SSH2: variants seen among roughly 807,000 people sequenced by gnomAD.
SSH2 encodes the protein protein phosphatase Slingshot homolog 2.
Under a neutral mutation model 135.2 loss-of-function variants are expected in SSH2, and 37 were observed. The observed-to-expected ratio is 0.27, with a 90% confidence interval of 0.21 to 0.36. The LOEUF is 0.36. SSH2 is among the 10% of genes least tolerant of loss of function. The pLI, the probability that SSH2 is intolerant of heterozygous loss-of-function variation, is 1.00. For missense variants in SSH2, 1,408 were observed against 1,765.3 expected (o/e 0.80, Z 3.63); for synonymous variants, 628 against 646.2 (o/e 0.97, Z 0.43).
chr17:29,641,800 A>G (rs1443442228), intron 14 of SSH2: 2 of 152,116 alleles, frequency 1.3e-5, no homozygotes, highest in Non-Finnish European at 2.9e-5. Context: ...CAACTCTGAG[A>G]AAGTTATATA....
At chr17:29,836,193 T>C (rs2042941382) in intron 2 of SSH2, among the ~76,000 whole-genome samples, 1 of 152,084 alleles carries the variant, frequency 6.6e-6, no homozygotes, top group African/African-American at 2.4e-5. Context: ...AAATCAGACT[T>C]GAACTTTATC....
intron 3 of SSH2, among the ~76,000 whole-genome samples, chr17:29,786,545 TAAGGA>T (rs2041968875): frequency 6.6e-6 from 1 of 152,154 alleles, no homozygotes; most frequent in Admixed American, 6.5e-5. Context: ...TTAGCTGAAC[TAAGGA>T]AAAGTACTGC....
intron 3 of SSH2, among the ~76,000 whole-genome samples, chr17:29,706,689 C>A (rs1017851371): frequency 6.6e-6 from 1 of 152,194 alleles, no homozygotes; most frequent in Non-Finnish European, 1.5e-5. Context: ...AATATTCTAC[C>A]TATTCACCAG....
chr17:29,869,905 T>C (rs188755630), intron 1 of SSH2, among the ~76,000 whole-genome samples: 20 of 152,232 alleles, frequency 1.3e-4, no homozygotes, highest in Admixed American at 6.5e-4. Context: ...GTGTTTATGA[T>C]AGTCATTGGC....
At chr17:29,906,216 G>A (rs1180712734) in intron 1 of SSH2, among the ~76,000 whole-genome samples, 6 of 152,010 alleles carry the variant, frequency 3.9e-5, no homozygotes, top group East Asian at 1.9e-4. Flanking sequence ...CAAAGATCCC[G>A]TAACACAACC....
At chr17:29,662,901 A>C (rs528936576) in intron 11 of SSH2, among the ~76,000 whole-genome samples, 10 of 152,338 alleles carry the variant, frequency 6.6e-5, no homozygotes, top group Admixed American at 5.9e-4. Flanking sequence ...GAGCAAAATT[A>C]TTGGTTATGT....
intron 1 of SSH2, chr17:29,855,984 C>T (rs2065655932): frequency 5.5e-6 from 2 of 366,290 alleles, no homozygotes; most frequent in Non-Finnish European, 1.1e-5. Context: ...TAATCATGTA[C>T]AGAACATTAT....
chr17:29,705,000 T>C (rs1176910753), intron 3 of SSH2, among the ~76,000 whole-genome samples: 2 of 152,206 alleles, frequency 1.3e-5, no homozygotes, highest in African/African-American at 4.8e-5. Flanking sequence ...TAACTGGCAA[T>C]GTTAAATTGA....
chr17:29,757,518 G>A (rs1166207021), intron 3 of SSH2, among the ~76,000 whole-genome samples: 1 of 151,924 alleles, frequency 6.6e-6, no homozygotes, highest in Non-Finnish European at 1.5e-5. Context: ...CACTATAAAT[G>A]CTAAATAAAC....
At chr17:29,911,056 C>T (rs1453283240) in intron 1 of SSH2, among the ~76,000 whole-genome samples, 2 of 152,184 alleles carry the variant, frequency 1.3e-5, no homozygotes, top group East Asian at 1.9e-4. Context: ...CCCTGGACAA[C>T]CTCCATTTCT....
intron 11 of SSH2, among the ~76,000 whole-genome samples, chr17:29,662,773 T>C (rs992385144): frequency 6.6e-6 from 1 of 152,152 alleles, no homozygotes; most frequent in Non-Finnish European, 1.5e-5. Flanking sequence ...TTCCTGATCC[T>C]CTCCCTAGGC....
chr17:29,636,405 C>A lies in SSH2; in HGVS notation c.1825G>T (p.Val609Phe). Residue 609 changes from valine to phenylalanine, a missense_variant, in exon 15 of 16, where the codon GTC (valine) becomes TTC (phenylalanine). Physicochemically the swap from Val to Phe is conservative, Grantham distance 50. Transcript: ENST00000540801. ...GGAAACTTGTTGGCCATTTCTGGGA[C>A]ATGTCCAGGCTGAATTAAGGCTTTG... is the stretch of plus-strand genomic sequence containing the variant. The part of the protein sequence containing the change: ...ASKALIQPGH[V>F]PEMANKFPDL... 6.2e-7 allele frequency: 1 copy of A among 1,614,172 alleles called. No individual in the cohort carries two copies. The highest frequency in any genetic ancestry group is 8.5e-7 in the Non-Finnish European group (1 of 1,180,026).
rs1158208995 is a variant in SSH2 at position 29,632,909 on chromosome 17, G to A, written c.2285C>T (p.Pro762Leu). ...CGAGTGAGACTGCATGAAGATGTCTGGGCTGACCAGTTCTGAAATTGCCTA... is the reference window on the plus strand; with the variant it reads ...CGAGTGAGACTGCATGAAGATGTCTAGGCTGACCAGTTCTGAAATTGCCTA... ...QSKAISELVS[P>L]DIFMQSHSEN... The change falls in exon 16 of 16, where the codon CCA becomes CTA. Residue 762 changes from proline to leucine, a missense_variant. By Grantham distance (98) the Pro-to-Leu change is moderately conservative (BLOSUM62 -3). Coordinates refer to ENST00000540801, the MANE Select transcript of SSH2 (RefSeq NM_001282129.2). The A allele has an allele frequency of 1.2e-6, 2 of 1,610,318 alleles. No homozygotes were observed. Among genetic ancestry groups the A allele is most frequent in the African/African-American group, 2.7e-5 (2 of 74,804 alleles).
intron 1 of SSH2, among the ~76,000 whole-genome samples, chr17:29,903,735 GATTA>G (rs1332496636): frequency 5.3e-5 from 8 of 152,010 alleles, no homozygotes; most frequent in African/African-American, 1.9e-4. Context: ...AGATGTTTGG[GATTA>G]ATTAATTAAT....
chr17:29,698,377 TAA>T lies in SSH2; in HGVS notation c.293-2856_293-2855del, dbSNP rs1371689913. ...GTGGATTATATCTCAATAAAGCTGT[TAA>T]ACAAAAAATAAAAGAACAAGTATGA... On this transcript the variant is annotated intron_variant, in intron 4 of 15. Coordinates refer to ENST00000540801, the MANE Select transcript of SSH2 (RefSeq NM_001282129.2). Among the ~76,000 whole-genome samples, 4 of 152,274 alleles carry T rather than the reference TAA, an allele frequency of 2.6e-5. No individual in the cohort carries two copies. In the South Asian group the frequency reaches 6.2e-4, roughly 24 times the overall value.
intron 11 of SSH2, 36 bp downstream of exon 11, chr17:29,666,831 C>T (rs780326483): frequency 2.5e-6 from 4 of 1,610,352 alleles, no homozygotes; most frequent in East Asian, 4.5e-5. Context: ...TATGGGCTAG[C>T]GTTAGCACAC....
intron 2 of SSH2, among the ~76,000 whole-genome samples, chr17:29,804,957 G>A (rs2042314620): frequency 6.8e-6 from 1 of 146,596 alleles, no homozygotes; most frequent in African/African-American, 2.5e-5. Context: ...GCCTGCCAAA[G>A]TGCTAGGGTT....
At chr17:29,719,137 C>T (rs1422987991) in intron 3 of SSH2, among the ~76,000 whole-genome samples, 1 of 152,182 alleles carries the variant, frequency 6.6e-6, no homozygotes, top group Non-Finnish European at 1.5e-5. Flanking sequence ...TCTAAAAGAT[C>T]AGATCTAACA....
Position 29,650,728 on chromosome 17 carries a change from A to G in SSH2, c.1152T>C (p.Ile384=). The change falls in exon 13 of 16, where the codon ATT becomes ATC. Residue 384 remains isoleucine (I), a synonymous_variant. Coordinates refer to ENST00000540801, the MANE Select transcript of SSH2 (RefSeq NM_001282129.2). ...CCGTTGCCTCTTCATCATATACCCG[A>G]ATGTTATGATACTCAAAGACTCCTG... ...FFPGVFEYHN[I]RVYDEEATDL... 1.9e-6 allele frequency: 3 copies of G among 1,613,590 alleles called. No homozygotes were observed. Among genetic ancestry groups the G allele is most frequent in the Non-Finnish European group, 2.5e-6 (3 of 1,179,556 alleles).
Sources: gnomAD v4.1 joint callset for allele counts (sites outside exome capture counted in the v4.1 genomes callset) on GRCh38, gnomAD v4.1.1 for gene constraint, MANE v1.5 for transcripts, NCBI Gene and HGNC (gene_info 2026-07-23, HGNC 2026-07-21) for gene names.